The following USP15 variants were observed in gnomAD, a reference collection of about 807,000 sequenced individuals.
USP15 encodes ubiquitin carboxyl-terminal hydrolase 15.
In USP15, 18 loss-of-function variants were observed where a neutral mutation model predicts 127.1. The ratio of observed to expected loss-of-function variants is 0.14; its 90% confidence interval spans 0.10 to 0.21. USP15 has a LOEUF of 0.21. Among genes scored for constraint, USP15 ranks in the 10% least tolerant of loss-of-function variants. The probability of loss-of-function intolerance (pLI) is 1.00; values close to 1 mark genes in which losing one functional copy is unlikely to be tolerated. For synonymous variants in USP15, 364 were observed against 393.7 expected, an observed-to-expected ratio of 0.92 and a Z score of 0.89; for missense variants, 805 against 1,159.9, an observed-to-expected ratio of 0.69 and a Z score of 4.44.
Position 62,294,229 on chromosome 12 carries a change from T to C in USP15, c.140T>C (p.Phe47Ser). ...WFKQWKKYVG[F>S]DSWDKYQMGD... is the part of the protein sequence containing the mutation. ...AAACAGTGGAAAAAATATGTTGGCT[T>C]TGACAGTTGGGACAAATACCAGATG... Residue 47 changes from phenylalanine to serine, a missense_variant, in exon 2 of 22, where the codon TTT becomes TCT. Physicochemically the swap from Phe to Ser is radical, Grantham distance 155. Transcript: ENST00000280377. 6.2e-7 allele frequency: 1 copy of C among 1,613,752 alleles called. No homozygotes were observed.
rs142457406 is a variant in USP15 at position 62,368,458 on chromosome 12, G to A, written c.915+12983G>A. Among the ~76,000 whole-genome samples, 469 of 152,200 alleles carry A rather than the reference G, an allele frequency of 3.1e-3. 1 individual carries two copies. Among genetic ancestry groups the A allele is most frequent in the African/African-American group, 9.8e-3 (407 of 41,512 alleles). ...TGTGAGAGTCTAAGTCTCTTTGTAGGTCTCTAAGAACTTGCTTTATGAATC... is the reference window on the plus strand; with the variant it reads ...TGTGAGAGTCTAAGTCTCTTTGTAGATCTCTAAGAACTTGCTTTATGAATC... On this transcript the variant is annotated intron_variant, in intron 8 of 21. Coordinates refer to ENST00000280377, the MANE Select transcript of USP15 (RefSeq NM_001252078.2).
At chr12:62,323,690 A>G (rs1171546572) in intron 5 of USP15, among the ~76,000 whole-genome samples, 1 of 152,162 alleles carries the variant, frequency 6.6e-6, no homozygotes, top group African/African-American at 2.4e-5. Flanking sequence ...GCCTTGAGGT[A>G]GCTCCAAAAG....
intron 2 of USP15, among the ~76,000 whole-genome samples, chr12:62,302,401 T>C (rs1223887907): frequency 6.6e-6 from 1 of 152,214 alleles, no homozygotes; most frequent in Non-Finnish European, 1.5e-5. Context: ...TAAATATTGC[T>C]TTTTGATTTA....
intron 19 of USP15, among the ~76,000 whole-genome samples, chr12:62,395,588 T>C (rs949909747): frequency 1.1e-4 from 16 of 152,028 alleles, no homozygotes; most frequent in Admixed American, 5.9e-4. Context: ...TAGTATGTTT[T>C]ATTCATTCGT....
chr12:62,308,440 C>T (rs192026331), intron 3 of USP15, among the ~76,000 whole-genome samples: 45 of 152,172 alleles, frequency 3.0e-4, no homozygotes, highest in African/African-American at 1.0e-3. Flanking sequence ...TGGTATGTCA[C>T]TTCTGAGATT....
At position 62,413,273 on chromosome 12, in the gene USP15, GT is replaced by G. The variant is rs2068080397; in HGVS notation, c.*8901del. On this transcript the variant is annotated 3_prime_UTR_variant, in exon 22 of 22. Transcript: ENST00000280377. Reference sequence around the variant, plus strand: ...TTATAGAGCAAAAACATTATATTTAGTTTAATTTTAAGGACCCTAGGATTTT... The same window carrying G: ...TTATAGAGCAAAAACATTATATTTAGTTAATTTTAAGGACCCTAGGATTTT... 1 of 152,120 alleles carries G rather than the reference GT, an allele frequency of 6.6e-6. No homozygotes were observed. The highest frequency in any genetic ancestry group is 6.5e-5 in the Admixed American group (1 of 15,270). The allele number at this position is 152,120 out of a possible 1,614,324, so 9.4% of individuals were successfully genotyped here. A position where few individuals can be genotyped will look rare whatever the true frequency, so the allele number is the denominator to read the frequency against.
chr12:62,415,896 C>T lies in USP15; in HGVS notation c.*11521C>T, dbSNP rs1365549250. ...AGGTATTATTACTAATAAAGAAGTA[C>T]CCAACTATGGGAATGATTGTTCCTT... On this transcript the variant is annotated 3_prime_UTR_variant, in exon 22 of 22. Coordinates refer to ENST00000280377, the MANE Select transcript of USP15 (RefSeq NM_001252078.2). 6.6e-6 allele frequency: 1 copy of T among 151,978 alleles called. No individual in the cohort carries two copies. Among genetic ancestry groups the T allele is most frequent in the Non-Finnish European group, 1.5e-5 (1 of 68,010 alleles). 9.4% of individuals were successfully genotyped at this position (151,978 alleles called of 1,614,324 possible). A position where few individuals can be genotyped will look rare whatever the true frequency, so the allele number is the denominator to read the frequency against.
chr12:62,335,616 C>G (rs2065438526), intron 6 of USP15: 1 of 992,898 alleles, frequency 1.0e-6, no homozygotes, highest in Non-Finnish European at 1.2e-6. Context: ...TATTTCTTTT[C>G]TAATGTCATC....
At chr12:62,363,861 C>G (rs1288877066) in intron 8 of USP15, among the ~76,000 whole-genome samples, 1 of 152,080 alleles carries the variant, frequency 6.6e-6, no homozygotes, top group Non-Finnish European at 1.5e-5. Flanking sequence ...GCTTATATAT[C>G]ATAATGATAG....
intron 6 of USP15, among the ~76,000 whole-genome samples, chr12:62,332,424 A>G (rs1427690097): frequency 1.3e-5 from 2 of 151,710 alleles, no homozygotes; most frequent in Non-Finnish European, 2.9e-5. Context: ...TTTTTTAAGG[A>G]TGTTAGCATT....
chr12:62,324,632 G>T (rs2065078309), intron 5 of USP15, among the ~76,000 whole-genome samples: 2 of 152,042 alleles, frequency 1.3e-5, no homozygotes, highest in East Asian at 1.9e-4. Context: ...ATCAGGAAGG[G>T]ATCAGTATAT....
chr12:62,321,082 T>TA (rs946337184), intron 4 of USP15, among the ~76,000 whole-genome samples: 15 of 151,920 alleles, frequency 9.9e-5, no homozygotes, highest in Non-Finnish European at 1.5e-4. Context: ...TTTTGCACAC[T>TA]AAAAAAAATC....
intron 2 of USP15, among the ~76,000 whole-genome samples, chr12:62,298,965 G>T (rs1274272580): frequency 6.6e-6 from 1 of 151,352 alleles, no homozygotes; most frequent in Non-Finnish European, 1.5e-5. Flanking sequence ...TGACCTAATT[G>T]AATTTTGTAA....
intron 4 of USP15, among the ~76,000 whole-genome samples, chr12:62,317,650 T>C (rs2064870791): frequency 6.6e-6 from 1 of 152,230 alleles, no homozygotes; most frequent in Non-Finnish European, 1.5e-5. Context: ...AAAATAGCTA[T>C]GTATGTGAAA....
rs557849301 is a variant in USP15, at chr12:62,401,586, A to T, written c.2763+311A>T. On this transcript the variant is annotated intron_variant, in intron 21 of 21. Coordinates refer to ENST00000280377, the MANE Select transcript of USP15 (RefSeq NM_001252078.2). ...AGATTCAGCTCTTAACTTTCTAGAC[A>T]TTGAGTACTTAAAGCCAGAATGTTT... is the stretch of plus-strand genomic sequence containing the variant. Among the ~76,000 whole-genome samples the T allele has an allele frequency of 5.3e-5, 8 of 152,098 alleles. No homozygotes were observed. The East Asian group carries it at 1.5e-3, about 29-fold the overall frequency.
At chr12:62,372,644 A>G (rs2066711862) in intron 8 of USP15, among the ~76,000 whole-genome samples, 1 of 152,088 alleles carries the variant, frequency 6.6e-6, no homozygotes, top group East Asian at 1.9e-4. Flanking sequence ...TTGTTTCTTT[A>G]CTGAATATTA....
At chr12:62,335,245 A>G (rs2065425821) in intron 6 of USP15, 2 of 1,533,976 alleles carry the variant, frequency 1.3e-6, no homozygotes, top group Non-Finnish European at 1.7e-6. Context: ...GGCTCTGGTT[A>G]TCATCCACAG....
In USP15 at chr12:62,415,719, C is replaced by T. The variant is rs1482475910; in HGVS notation, c.*11344C>T. Reference sequence around the variant, plus strand: ...AACCTATGACTTTTCTCAGAATATACAGTTTGCTTGTGATGGAGGGCTATT... The same window carrying T: ...AACCTATGACTTTTCTCAGAATATATAGTTTGCTTGTGATGGAGGGCTATT... On this transcript the variant is annotated 3_prime_UTR_variant, in exon 22 of 22. Transcript: ENST00000280377. The T allele has an allele frequency of 6.6e-6, 1 of 152,198 alleles. No individual in the cohort carries two copies. The highest frequency in any genetic ancestry group is 1.5e-5 in the Non-Finnish European group (1 of 68,048). The allele number at this position is 152,198 out of a possible 1,614,324, so 9.4% of individuals were successfully genotyped here.
At chr12:62,305,286 T>A (rs903900523) in intron 3 of USP15, among the ~76,000 whole-genome samples, 2 of 151,964 alleles carry the variant, frequency 1.3e-5, no homozygotes, top group Non-Finnish European at 2.9e-5. Context: ...GGCAAAAAAA[T>A]TTCTAATAAT....
Sources: allele counts gnomAD v4.1 joint callset (sites outside exome capture counted in the v4.1 genomes callset), GRCh38; gene constraint gnomAD v4.1.1; transcripts MANE v1.5; gene names NCBI Gene and HGNC (gene_info 2026-07-23, HGNC 2026-07-21).